ZNF69: variants seen among roughly 807,000 people sequenced by gnomAD.
ZNF69 encodes the protein ZNF3.
Under a neutral mutation model 50.9 loss-of-function variants are expected in ZNF69, and 47 were observed. That is an observed-to-expected ratio of 0.92 (90% CI 0.73 to 1.18). The LOEUF (loss-of-function observed/expected upper bound fraction) is 1.18. Ranked by LOEUF, ZNF69 falls within the 50% of genes most tolerant of loss-of-function variation. ZNF69 has a pLI of 0.00. For missense variants in ZNF69, 717 were observed against 675.1 expected (o/e 1.06, Z -0.69); for synonymous variants, 216 against 223.1 (o/e 0.97, Z 0.29).
the ZNF69 span, chr19:11,925,389 GTCC>G: frequency 1.5e-5 from 22 of 1,505,252 alleles, no homozygotes; most frequent in African/African-American, 2.9e-4. Flanking sequence ...CTGGGACCGA[GTCC>G]TCCTTGAGCA....
At position 11,904,752 on chromosome 19, in the gene ZNF69, GCTT is replaced by G. The variant is rs746347029; in HGVS notation, c.358_360del (p.Ser120del). The G allele has an allele frequency of 2.5e-4, 400 of 1,613,938 alleles. 2 individuals carry two copies. In the South Asian group the frequency reaches 2.7e-3, roughly 11 times the overall value. ...CAGGCTGAACTTCCAGGAGAAGAAA[GCTT>G]CTCCTGAAATAAAATCATGTGACAG... On this transcript the variant is annotated inframe_deletion, in exon 4 of 4. Coordinates refer to ENST00000429654, the MANE Select transcript of ZNF69 (RefSeq NM_001364730.1).
chr19:11,891,588 G>T (rs1009251718), intron 1 of ZNF69, among the ~76,000 whole-genome samples: 10 of 152,080 alleles, frequency 6.6e-5, no homozygotes, highest in Non-Finnish European at 1.5e-4. Flanking sequence ...TACCTGCATG[G>T]GGGCTGACAG....
chr19:11,903,229 G>A (rs995142833), intron 1 of ZNF69, among the ~76,000 whole-genome samples: 13 of 152,244 alleles, frequency 8.5e-5, no homozygotes, highest in African/African-American at 1.2e-4. Flanking sequence ...GAGGTCAGCA[G>A]CCTGACCAAC....
rs763297220 is a variant in ZNF69 at position 11,904,811 on chromosome 19, C to T, written c.414C>T (p.Asn138=). 30 of 1,613,888 alleles carry T rather than the reference C, an allele frequency of 1.9e-5. No homozygotes were observed. In the East Asian group the frequency reaches 6.5e-4, roughly 35 times the overall value. The change falls in exon 4 of 4, where the codon AAC becomes AAT. Residue 138 remains asparagine (N), a synonymous_variant. Coordinates refer to ENST00000429654, the MANE Select transcript of ZNF69 (RefSeq NM_001364730.1). ...SFVCGEVGLG[N]SSFNMNIRGD... Reference sequence around the variant, plus strand: ...TGTGTGGAGAAGTTGGCCTAGGTAACTCATCTTTTAATATGAACATCAGAG... The same window carrying T: ...TGTGTGGAGAAGTTGGCCTAGGTAATTCATCTTTTAATATGAACATCAGAG...
rs537999569 is a variant in ZNF69 at position 11,895,487 on chromosome 19, T to C, written c.63+7501T>C. Among the ~76,000 whole-genome samples, 401 of 152,310 alleles carry C rather than the reference T, an allele frequency of 2.6e-3. 5 individuals carry two copies. Among genetic ancestry groups the C allele is most frequent in the African/African-American group, 8.6e-3 (357 of 41,576 alleles). ...AGCAGGCACTAGTTCTGTGAAGTCA[T>C]ACTGTGATTAAGAGGTGGTCTGTAC... On this transcript the variant is annotated intron_variant, in intron 1 of 3. Transcript: ENST00000429654.
the ZNF69 span, among the ~76,000 whole-genome samples, chr19:11,954,992 A>C: frequency 6.8e-6 from 1 of 146,716 alleles, no homozygotes; most frequent in Non-Finnish European, 1.5e-5. Flanking sequence ...TTTGTTTCAA[A>C]AAAATTTTTT....
the ZNF69 span, chr19:11,949,822 G>A: frequency 6.2e-7 from 1 of 1,613,096 alleles, no homozygotes; most frequent in Non-Finnish European, 8.5e-7. Context: ...ATGTGGGAAA[G>A]CCTTCAGTTG....
the ZNF69 span, chr19:11,947,326 C>T: frequency 1.9e-6 from 3 of 1,613,228 alleles, no homozygotes; most frequent in Admixed American, 1.7e-5. Flanking sequence ...GACAATATTC[C>T]TTCCGTCAGT....
the ZNF69 span, chr19:11,948,391 G>A: frequency 6.2e-7 from 1 of 1,614,084 alleles, no homozygotes; most frequent in East Asian, 2.2e-5. Flanking sequence ...TTCTCCTGAA[G>A]TAAAATCATG....
chr19:11,908,143 C>G (rs111598826), downstream of ZNF69, among the ~76,000 whole-genome samples: 3 of 152,210 alleles, frequency 2.0e-5, no homozygotes, highest in South Asian at 2.1e-4. Context: ...ATTTATGCAC[C>G]CAATACAGGA....
At chr19:11,947,357 C>G in the ZNF69 span, 1 of 1,611,428 alleles carries the variant, frequency 6.2e-7, no homozygotes, top group African/African-American at 1.3e-5. Flanking sequence ...ACCAGTGTTT[C>G]TAGCTCATGA....
intron 1 of ZNF69, among the ~76,000 whole-genome samples, chr19:11,901,341 G>A (rs534380355): frequency 3.9e-5 from 6 of 152,184 alleles, no homozygotes; most frequent in African/African-American, 1.4e-4. Context: ...TTGAATTGCC[G>A]ACGTGTGAAA....
At chr19:11,917,373 C>G (rs1972531314), downstream of ZNF69, among the ~76,000 whole-genome samples, 1 of 152,198 alleles carries the variant, frequency 6.6e-6, no homozygotes, top group Non-Finnish European at 1.5e-5. Flanking sequence ...GAGGGGCCAG[C>G]AGGGTGTGTG....
chr19:11,956,334 T>C, the ZNF69 span, among the ~76,000 whole-genome samples: 1 of 152,200 alleles, frequency 6.6e-6, no homozygotes, highest in Non-Finnish European at 1.5e-5. Flanking sequence ...AGCAATTACA[T>C]GGTAGCGTAA....
the ZNF69 span, chr19:11,949,457 A>C: frequency 6.2e-7 from 1 of 1,613,132 alleles, no homozygotes; most frequent in African/African-American, 1.3e-5. Flanking sequence ...GAATGTAAGG[A>C]ATGTGGGAAA....
the ZNF69 span, chr19:11,949,008 C>G: frequency 1.9e-6 from 3 of 1,605,962 alleles, no homozygotes; most frequent in East Asian, 4.5e-5. Flanking sequence ...AAAGGACCCA[C>G]TCTGGGAAAA....
the ZNF69 span, chr19:11,978,023 C>A: frequency 4.0e-6 from 6 of 1,483,422 alleles, no homozygotes; most frequent in Non-Finnish European, 5.5e-6. Context: ...AAAGCCTACA[C>A]CTTGATGGAC....
the ZNF69 span, among the ~76,000 whole-genome samples, chr19:11,920,635 C>T: frequency 4.2e-5 from 2 of 48,130 alleles, no homozygotes; most frequent in South Asian, 1.8e-3. Context: ...CACCTGTAAT[C>T]CCAGCACTTT....
At chr19:11,897,922 TAG>T (rs902304773) in intron 1 of ZNF69, among the ~76,000 whole-genome samples, 22 of 151,414 alleles carry the variant, frequency 1.5e-4, no homozygotes, top group African/African-American at 5.3e-4. Flanking sequence ...TTAGTTTCAA[TAG>T]AGTGTGCTCT....
Sources: allele counts gnomAD v4.1 joint callset (sites outside exome capture counted in the v4.1 genomes callset), GRCh38; gene constraint gnomAD v4.1.1; transcripts MANE v1.5; gene names NCBI Gene and HGNC (gene_info 2026-07-23, HGNC 2026-07-21).